NT5C3A: variants seen among roughly 807,000 people sequenced by gnomAD.
NT5C3A encodes 5'-nucleotidase, cytosolic IIIA.
A neutral mutation model predicts 40.0 loss-of-function variants in NT5C3A; 23 were observed. That is an observed-to-expected ratio of 0.58 (90% CI 0.41 to 0.81). The LOEUF (loss-of-function observed/expected upper bound fraction) is 0.81. Among genes scored for constraint, NT5C3A ranks in the 40% least tolerant of loss-of-function variants. NT5C3A has a pLI of 0.00. For missense variants in NT5C3A, 328 were observed against 403.0 expected, an observed-to-expected ratio of 0.81 and a Z score of 1.59; for synonymous variants, 130 against 141.4, an observed-to-expected ratio of 0.92 and a Z score of 0.57.
At chr7:33,028,965 G>A (rs1461585124) in intron 1 of NT5C3A, among the ~76,000 whole-genome samples, 1 of 151,558 alleles carries the variant, frequency 6.6e-6, no homozygotes, top group Non-Finnish European at 1.5e-5. Context: ...TGAGGCAGGA[G>A]AATGGCGTAA....
At position 33,062,529 on chromosome 7, in the gene NT5C3A, C is replaced by T. The variant is rs773334413; in HGVS notation, c.138+39G>A. ...GAGGCCAGCGGACGGCCCAGCCGGC[C>T]CCTCGCGTGCTCTGGGCGCGCCGAG... On this transcript the variant is annotated intron_variant, in intron 1 of 8. Transcript: ENST00000610140. The T allele has an allele frequency of 2.5e-6, 4 of 1,579,484 alleles. No homozygotes were observed. The East Asian group carries it at 9.1e-5, about 36-fold the overall frequency.
At chr7:33,015,313 T>TCCC (rs1785261275) in intron 8 of NT5C3A, among the ~76,000 whole-genome samples, 1 of 152,194 alleles carries the variant, frequency 6.6e-6, no homozygotes, top group African/African-American at 2.4e-5. Context: ...ACGCCTGTTA[T>TCCC]CCCAAGCACT....
intron 1 of NT5C3A, among the ~76,000 whole-genome samples, chr7:33,031,148 C>A (rs1001007003): frequency 2.0e-5 from 3 of 150,884 alleles, no homozygotes; most frequent in Non-Finnish European, 4.4e-5. Context: ...GTACAGTTAC[C>A]AAATTTCTGG....
intron 6 of NT5C3A, 32 bp downstream of exon 6, chr7:33,019,600 GAAC>G (rs773913023): frequency 8.2e-7 from 1 of 1,225,754 alleles, no homozygotes; most frequent in Non-Finnish European, 1.2e-6. Flanking sequence ...TCAAGTCTGT[GAAC>G]AATAACAGCA....
intron 1 of NT5C3A, among the ~76,000 whole-genome samples, chr7:33,035,294 A>G (rs2128005077): frequency 6.6e-6 from 1 of 150,750 alleles, no homozygotes; most frequent in African/African-American, 2.4e-5. Flanking sequence ...CCTGGGTTCA[A>G]GCCATCCTCC....
chr7:33,015,539 G>A (rs1199008700), intron 8 of NT5C3A, 131 bp downstream of exon 8: 11 of 644,818 alleles, frequency 1.7e-5, no homozygotes, highest in East Asian at 1.1e-4. Context: ...CTCTAGCCTC[G>A]GTAACAGAGG....
At chr7:33,030,905 C>T (rs1435178818) in intron 1 of NT5C3A, among the ~76,000 whole-genome samples, 2 of 151,580 alleles carry the variant, frequency 1.3e-5, no homozygotes, top group South Asian at 2.1e-4. Flanking sequence ...CGAGACCATC[C>T]TGGCTAACAC....
intron 3 of NT5C3A, among the ~76,000 whole-genome samples, chr7:33,022,936 G>C (rs967394831): frequency 3.4e-5 from 5 of 145,158 alleles, no homozygotes; most frequent in African/African-American, 1.3e-4. Context: ...TTTTTTTTTC[G>C]AGACAGGGTC....
At chr7:33,030,312 G>T (rs2128000952) in intron 1 of NT5C3A, among the ~76,000 whole-genome samples, 1 of 152,236 alleles carries the variant, frequency 6.6e-6, no homozygotes, top group Non-Finnish European at 1.5e-5. Context: ...TGCCCCAACT[G>T]TTGCATGAGA....
At chr7:33,026,791 GCC>G in intron 2 of NT5C3A, 24 bp downstream of exon 2, 1 of 1,505,602 alleles carries the variant, frequency 6.6e-7, no homozygotes, top group Non-Finnish European at 9.2e-7. Context: ...AACACACACA[GCC>G]AAGGCTTCTT....
chr7:33,026,605 C>A (rs1785950581), intron 2 of NT5C3A, among the ~76,000 whole-genome samples: 1 of 151,756 alleles, frequency 6.6e-6, no homozygotes, highest in South Asian at 2.1e-4. Flanking sequence ...TGTCCACCCG[C>A]CTCGGCCTCC....
chr7:33,018,793 C>A (rs1785475726), intron 6 of NT5C3A, among the ~76,000 whole-genome samples: 1 of 151,124 alleles, frequency 6.6e-6, no homozygotes, highest in Admixed American at 6.6e-5. Flanking sequence ...GAGCTTACAC[C>A]ACTGCACTCC....
At chr7:33,026,180 G>A (rs1010443311) in intron 2 of NT5C3A, among the ~76,000 whole-genome samples, 4 of 150,982 alleles carry the variant, frequency 2.6e-5, no homozygotes, top group African/African-American at 4.9e-5. Flanking sequence ...GTAATACTCA[G>A]TCTCAAAAAA....
intron 6 of NT5C3A, 42 bp from the exon 7 acceptor site, chr7:33,017,643 T>C (rs376036742): frequency 7.4e-6 from 11 of 1,485,362 alleles, no homozygotes; most frequent in African/African-American, 5.5e-5. Flanking sequence ...AAGAGCAAGA[T>C]ATAGTTCCTT....
At chr7:33,041,858 C>A (rs958620364) in intron 1 of NT5C3A, among the ~76,000 whole-genome samples, 5 of 151,964 alleles carry the variant, frequency 3.3e-5, no homozygotes, top group Non-Finnish European at 7.4e-5. Flanking sequence ...GCTGTGGGAA[C>A]CTTTATCATT....
chr7:33,024,015 T>C, intron 3 of NT5C3A, 24 bp downstream of exon 3: 2 of 1,324,262 alleles, frequency 1.5e-6, no homozygotes, highest in Non-Finnish European at 2.2e-6. Flanking sequence ...CTTTTGTGAA[T>C]TTGTTTACAA....
At chr7:33,044,207 A>G (rs1787047423) in intron 1 of NT5C3A, among the ~76,000 whole-genome samples, 1 of 151,964 alleles carries the variant, frequency 6.6e-6, no homozygotes, top group Admixed American at 6.6e-5. Flanking sequence ...TTTGTATGGG[A>G]CACATTTTGA....
chr7:33,043,048 A>G (rs527455020), intron 1 of NT5C3A, among the ~76,000 whole-genome samples: 1 of 152,348 alleles, frequency 6.6e-6, no homozygotes, highest in East Asian at 1.9e-4. Context: ...ACTTATAAAC[A>G]ACCCTAGAAG....
At chr7:33,061,650 C>A (rs947533686) in intron 1 of NT5C3A, among the ~76,000 whole-genome samples, 2 of 152,178 alleles carry the variant, frequency 1.3e-5, no homozygotes, top group African/African-American at 4.8e-5. Context: ...AAGTATTACA[C>A]CCTAAAATGA....
Sources: allele counts gnomAD v4.1 joint callset (sites outside exome capture counted in the v4.1 genomes callset), GRCh38; gene constraint gnomAD v4.1.1; transcripts MANE v1.5; gene names NCBI Gene and HGNC (gene_info 2026-07-23, HGNC 2026-07-21).